Variants in IMMP2L observed in about 807,000 individuals in gnomAD.
IMMP2L encodes mitochondrial inner membrane protease subunit 2.
IMMP2L carries 18 observed loss-of-function variants against 19.3 expected under a neutral mutation model. That is an observed-to-expected ratio of 0.93 (90% CI 0.64 to 1.38). The LOEUF (loss-of-function observed/expected upper bound fraction) is 1.38, where lower values mean the gene tolerates loss of function less well. Among genes scored for constraint, IMMP2L ranks in the 40% most tolerant of loss-of-function variants. The probability of loss-of-function intolerance (pLI) is 0.00; values close to 1 mark genes in which losing one functional copy is unlikely to be tolerated. For missense variants in IMMP2L, 233 were observed against 218.2 expected, an observed-to-expected ratio of 1.07 and a Z score of -0.43; for synonymous variants, 76 against 73.0, an observed-to-expected ratio of 1.04 and a Z score of -0.21.
At chr7:111,321,671 T>C (rs1311255214) in intron 3 of IMMP2L, among the ~76,000 whole-genome samples, 1 of 151,942 alleles carries the variant, frequency 6.6e-6, no homozygotes, top group African/African-American at 2.4e-5. Context: ...ATGCTCTAAA[T>C]CACCAAATTC....
chr7:110,959,292 A>C (rs1026080561), intron 4 of IMMP2L, among the ~76,000 whole-genome samples: 3 of 152,094 alleles, frequency 2.0e-5, no homozygotes, highest in African/African-American at 7.2e-5. Context: ...ATGGGACTGA[A>C]AAATCCACAG....
chr7:111,209,850 A>C (rs1811125226), intron 3 of IMMP2L, among the ~76,000 whole-genome samples: 2 of 152,294 alleles, frequency 1.3e-5, no homozygotes, highest in Non-Finnish European at 2.9e-5. Context: ...TCGGGTCAGT[A>C]AAAGAAAAAT....
chr7:111,167,435 C>G (rs1805946125), intron 3 of IMMP2L, among the ~76,000 whole-genome samples: 3 of 151,878 alleles, frequency 2.0e-5, no homozygotes, highest in African/African-American at 7.3e-5. Flanking sequence ...TGCACAAAAC[C>G]TTGCTGGTTT....
At chr7:111,291,827 T>C (rs992689693) in intron 3 of IMMP2L, among the ~76,000 whole-genome samples, 5 of 152,316 alleles carry the variant, frequency 3.3e-5, no homozygotes, top group African/African-American at 9.6e-5. Flanking sequence ...TCATTCCACA[T>C]TGTAAACATG....
At chr7:111,152,056 ATACT>A (rs1239983133) in intron 3 of IMMP2L, among the ~76,000 whole-genome samples, 1 of 152,178 alleles carries the variant, frequency 6.6e-6, no homozygotes, top group African/African-American at 2.4e-5. Flanking sequence ...ATTGATGGAA[ATACT>A]TACAGATAAA....
intron 3 of IMMP2L, among the ~76,000 whole-genome samples, chr7:111,302,909 C>T (rs2130043188): frequency 6.6e-6 from 1 of 152,216 alleles, no homozygotes; most frequent in South Asian, 2.1e-4. Context: ...TGGTTTTACA[C>T]TAGAGTCCAG....
At chr7:111,367,092 G>A (rs1053182743) in intron 3 of IMMP2L, among the ~76,000 whole-genome samples, 1 of 151,212 alleles carries the variant, frequency 6.6e-6, no homozygotes, top group African/African-American at 2.4e-5. Context: ...GAGGAGGAAC[G>A]CACAGAAGAA....
intron 3 of IMMP2L, among the ~76,000 whole-genome samples, chr7:111,140,663 T>C (rs913024946): frequency 6.6e-5 from 10 of 152,198 alleles, no homozygotes; most frequent in African/African-American, 2.2e-4. Flanking sequence ...TTTGGAAATA[T>C]CTGAACTTCT....
intron 4 of IMMP2L, among the ~76,000 whole-genome samples, chr7:110,911,399 A>G (rs925989071): frequency 3.9e-5 from 6 of 152,202 alleles, no homozygotes; most frequent in Non-Finnish European, 8.8e-5. Flanking sequence ...AATACTCAGC[A>G]AACTTTATTT....
intron 3 of IMMP2L, among the ~76,000 whole-genome samples, chr7:110,979,114 T>C (rs1820990325): frequency 6.6e-6 from 1 of 152,114 alleles, no homozygotes; most frequent in Non-Finnish European, 1.5e-5. Flanking sequence ...TCCAGTAAAG[T>C]GTTCTTCTTG....
intron 3 of IMMP2L, among the ~76,000 whole-genome samples, chr7:111,128,897 T>A (rs1801579226): frequency 6.6e-6 from 1 of 152,206 alleles, no homozygotes; most frequent in Non-Finnish European, 1.5e-5. Context: ...ATGTGACCCC[T>A]ATTTCAAACT....
Position 110,886,643 on chromosome 7 carries a change from C to T in IMMP2L, c.358G>A (p.Val120Ile). 1 of 1,610,724 alleles carries T rather than the reference C, an allele frequency of 6.2e-7. No homozygotes were observed. The highest frequency in any genetic ancestry group is 1.1e-5 in the South Asian group (1 of 90,986). Reference sequence around the variant, plus strand: ...CTGTGTCCATGATGATCACCTTCAACCCAGATGTGACCACGGGGGACTTTG... The same window carrying T: ...CTGTGTCCATGATGATCACCTTCAATCCAGATGTGACCACGGGGGACTTTG... ...YVKVPRGHIW[V>I]EGDHHGHSFD... Residue 120 changes from valine (V) to isoleucine (I), a missense_variant, in exon 5 of 6, where the codon GTT (valine) becomes ATT (isoleucine). Coordinates refer to ENST00000405709, the MANE Select transcript of IMMP2L (RefSeq NM_032549.4).
intron 3 of IMMP2L, among the ~76,000 whole-genome samples, chr7:111,270,075 G>C (rs918988722): frequency 6.6e-6 from 1 of 151,492 alleles, no homozygotes; most frequent in South Asian, 2.1e-4. Context: ...GTGTGTGTGT[G>C]TGTGTGTGTG....
At chr7:111,202,168 AGTTAAATGAAGAATTTCT>A (rs1199002021) in intron 3 of IMMP2L, among the ~76,000 whole-genome samples, 8 of 152,320 alleles carry the variant, frequency 5.3e-5, no homozygotes, top group Admixed American at 4.6e-4. Flanking sequence ...GACAATTAAA[AGTTAAATGAAGAATTTCT>A]GTTTCCTTTG....
intron 1 of IMMP2L, among the ~76,000 whole-genome samples, chr7:111,532,897 C>A (rs1399335096): frequency 6.6e-6 from 1 of 152,042 alleles, no homozygotes; most frequent in Non-Finnish European, 1.5e-5. Flanking sequence ...ACTGAAGATG[C>A]AAGCCAGAGG....
chr7:111,066,684 C>T (rs954426688), intron 3 of IMMP2L, among the ~76,000 whole-genome samples: 3 of 152,196 alleles, frequency 2.0e-5, no homozygotes, highest in African/African-American at 7.2e-5. Flanking sequence ...AACCTTCCCC[C>T]AGATGGGATC....
intron 5 of IMMP2L, among the ~76,000 whole-genome samples, chr7:110,832,355 T>C (rs898791354): frequency 6.6e-6 from 1 of 152,304 alleles, no homozygotes; most frequent in South Asian, 2.1e-4. Flanking sequence ...GGTATATTCA[T>C]GGGTTTTGCT....
At chr7:111,445,999 C>A (rs937822636) in intron 3 of IMMP2L, among the ~76,000 whole-genome samples, 1 of 151,610 alleles carries the variant, frequency 6.6e-6, no homozygotes, top group East Asian at 1.9e-4. Context: ...CTTTTCAGAC[C>A]GGCTTAAGAA....
chr7:110,749,976 A>C (rs1193520059), intron 5 of IMMP2L, among the ~76,000 whole-genome samples: 1 of 152,104 alleles, frequency 6.6e-6, no homozygotes, highest in Non-Finnish European at 1.5e-5. Context: ...AGCTCCCAGA[A>C]AGTAATGCTT....
Sources: allele counts gnomAD v4.1 joint callset (sites outside exome capture counted in the v4.1 genomes callset), GRCh38; gene constraint gnomAD v4.1.1; transcripts MANE v1.5; gene names NCBI Gene and HGNC (gene_info 2026-07-23, HGNC 2026-07-21).